TAFA1: variants seen among roughly 807,000 people sequenced by gnomAD.
TAFA1 encodes the protein chemokine-like protein TAFA-1.
A neutral mutation model predicts 18.5 loss-of-function variants in TAFA1; 4 were observed. The ratio of observed to expected loss-of-function variants is 0.22; its 90% CI spans 0.11 to 0.49. The LOEUF (loss-of-function observed/expected upper bound fraction) is 0.49. Ranked by LOEUF, TAFA1 falls within the 20% of genes least tolerant of loss-of-function variation. The pLI is 0.98. For missense variants in TAFA1, 147 were observed against 169.0 expected (o/e 0.87, Z 0.72); for synonymous variants, 56 against 55.2 (o/e 1.01, Z -0.06).
intron 2 of TAFA1, among the ~76,000 whole-genome samples, chr3:68,079,922 C>A (rs934152876): frequency 3.3e-5 from 5 of 151,964 alleles, no homozygotes; most frequent in Non-Finnish European, 4.4e-5. Context: ...GTGTTAAAGT[C>A]TCCCATTATT....
chr3:68,318,769 G>A (rs1309589510), intron 2 of TAFA1, among the ~76,000 whole-genome samples: 2 of 152,084 alleles, frequency 1.3e-5, no homozygotes, highest in African/African-American at 4.8e-5. Context: ...AGATTTTAAA[G>A]TAATCTGGTC....
chr3:68,233,876 C>A (rs1306816239), intron 2 of TAFA1, among the ~76,000 whole-genome samples: 4 of 151,960 alleles, frequency 2.6e-5, no homozygotes, highest in Admixed American at 2.6e-4. Context: ...TGTGGTCTCA[C>A]TCCAATTTTT....
At chr3:68,109,996 T>G (rs2065245834) in intron 2 of TAFA1, among the ~76,000 whole-genome samples, 1 of 152,202 alleles carries the variant, frequency 6.6e-6, no homozygotes, top group African/African-American at 2.4e-5. Flanking sequence ...TTTTAAGTTC[T>G]GGGATACATG....
At chr3:68,446,446 A>G (rs1374186003) in intron 3 of TAFA1, among the ~76,000 whole-genome samples, 1 of 152,148 alleles carries the variant, frequency 6.6e-6, no homozygotes, top group Admixed American at 6.6e-5. Flanking sequence ...CTTCTATCTG[A>G]GCCTCACATA....
At chr3:68,298,441 G>A (rs2068249526) in intron 2 of TAFA1, among the ~76,000 whole-genome samples, 1 of 152,142 alleles carries the variant, frequency 6.6e-6, no homozygotes, top group South Asian at 2.1e-4. Flanking sequence ...GACATTGAAA[G>A]GGTTTGCAGC....
chr3:68,463,941 TA>T (rs2071833847), intron 3 of TAFA1, among the ~76,000 whole-genome samples: 1 of 152,216 alleles, frequency 6.6e-6, no homozygotes, highest in African/African-American at 2.4e-5. Flanking sequence ...CTACATGGAT[TA>T]AAATCTACTC....
intron 2 of TAFA1, among the ~76,000 whole-genome samples, chr3:68,278,954 C>G (rs895983011): frequency 1.3e-5 from 2 of 152,114 alleles, no homozygotes; most frequent in Non-Finnish European, 2.9e-5. Context: ...AGATTGTGTT[C>G]CAATGCAGAT....
At chr3:68,474,683 C>A (rs1358321378) in intron 3 of TAFA1, among the ~76,000 whole-genome samples, 1 of 152,172 alleles carries the variant, frequency 6.6e-6, no homozygotes, top group African/African-American at 2.4e-5. Context: ...TAACTATATT[C>A]CCAGCCATTT....
In TAFA1 at chr3:68,110,679, G is replaced by A. The variant is rs1048805356; in HGVS notation, c.118+103935G>A. Among the ~76,000 whole-genome samples, 73 of 152,158 alleles carry A rather than the reference G, an allele frequency of 4.8e-4. 1 individual carries two copies. The highest frequency in any genetic ancestry group is 1.6e-4 in the Non-Finnish European group (11 of 68,024). On this transcript the variant is annotated intron_variant, in intron 2 of 4. Coordinates refer to ENST00000478136, the MANE Select transcript of TAFA1 (RefSeq NM_213609.4). ...TTGAGAGCCATCATGCATTAAGAATGTATTCTGGAGGTAGGACCAGGAGGA... is the reference window on the plus strand; with the variant it reads ...TTGAGAGCCATCATGCATTAAGAATATATTCTGGAGGTAGGACCAGGAGGA...
intron 2 of TAFA1, among the ~76,000 whole-genome samples, chr3:68,132,801 A>G (rs2065559215): frequency 6.6e-6 from 1 of 152,146 alleles, no homozygotes; most frequent in African/African-American, 2.4e-5. Flanking sequence ...GATAGATTAG[A>G]AAACTTTTCT....
chr3:68,369,742 TCTC>T (rs2069643187), intron 2 of TAFA1, among the ~76,000 whole-genome samples: 1 of 152,206 alleles, frequency 6.6e-6, no homozygotes, highest in South Asian at 2.1e-4. Flanking sequence ...TTGTGTTGTT[TCTC>T]CAAATACTCT....
rs201653683 is a variant in TAFA1, at chr3:68,393,378, G to GAAAA, written c.119-23892_119-23889dup. 3.5e-3 allele frequency among the ~76,000 whole-genome samples: 462 copies of GAAAA among 130,348 alleles called. 1 individual carries two copies. Among genetic ancestry groups the GAAAA allele is most frequent in the Non-Finnish European group, 6.8e-3 (406 of 59,726 alleles). The allele number at this position is 130,348 out of a possible 152,430, so 85.5% of individuals were successfully genotyped here. The stretch of plus-strand genomic sequence containing the variant: ...GGCAGTAATTAATAGCCTACCAATG[G>GAAAA]AAAAAAAAAAAAAGCCAGGATTAGA... On this transcript the variant is annotated intron_variant, in intron 2 of 4. Transcript: ENST00000478136.
intron 2 of TAFA1, among the ~76,000 whole-genome samples, chr3:68,075,534 C>T (rs993178358): frequency 6.6e-6 from 1 of 152,124 alleles, no homozygotes; most frequent in African/African-American, 2.4e-5. Context: ...TAAATGCCAC[C>T]TTATTACATA....
chr3:68,087,876 A>T (rs541939618), intron 2 of TAFA1, among the ~76,000 whole-genome samples: 1 of 152,036 alleles, frequency 6.6e-6, no homozygotes. Context: ...TTTTTCTACT[A>T]TAGGCATTTC....
At chr3:68,073,015 C>A (rs1232063504) in intron 2 of TAFA1, among the ~76,000 whole-genome samples, 3 of 152,178 alleles carry the variant, frequency 2.0e-5, no homozygotes, top group East Asian at 1.9e-4. Flanking sequence ...CTTCCCCTGG[C>A]TCATTAGAAG....
chr3:68,503,742 T>C (rs1559697007), intron 3 of TAFA1, among the ~76,000 whole-genome samples: 1 of 152,162 alleles, frequency 6.6e-6, no homozygotes, highest in Non-Finnish European at 1.5e-5. Flanking sequence ...GCCTTTCTGA[T>C]GAAAACCTAT....
chr3:68,049,440 C>G (rs1288006518), intron 2 of TAFA1, among the ~76,000 whole-genome samples: 2 of 151,716 alleles, frequency 1.3e-5, no homozygotes, highest in African/African-American at 2.4e-5. Context: ...TTTTTAATCC[C>G]TGAAGAAAAG....
chr3:68,389,179 T>A (rs1186281653), intron 2 of TAFA1, among the ~76,000 whole-genome samples: 1 of 152,210 alleles, frequency 6.6e-6, no homozygotes, highest in Admixed American at 6.5e-5. Flanking sequence ...GGACTTTGTA[T>A]GTGTAAAACC....
chr3:68,219,311 C>T (rs1387609611), intron 2 of TAFA1, among the ~76,000 whole-genome samples: 2 of 152,210 alleles, frequency 1.3e-5, no homozygotes, highest in Non-Finnish European at 2.9e-5. Flanking sequence ...AAACCTAGAG[C>T]AGTTAGATCT....
Sources: gnomAD v4.1 joint callset for allele counts (sites outside exome capture counted in the v4.1 genomes callset) on GRCh38, gnomAD v4.1.1 for gene constraint, MANE v1.5 for transcripts, NCBI Gene and HGNC (gene_info 2026-07-23, HGNC 2026-07-21) for gene names.